EVC2: variants seen among roughly 807,000 people sequenced by gnomAD.
The protein encoded by EVC2 is EvC ciliary complex subunit 2, also known as limbin.
EVC2 carries 148 observed loss-of-function variants against 149.3 expected under a neutral mutation model. The ratio of observed to expected loss-of-function variants is 0.99; its 90% confidence interval spans 0.87 to 1.14. EVC2 has a LOEUF of 1.14. Ranked by LOEUF, EVC2 falls within the 50% of genes most tolerant of loss-of-function variation. The pLI is 0.00. For synonymous variants in EVC2, 776 were observed against 649.9 expected, an observed-to-expected ratio of 1.19 and a Z score of -2.95; for missense variants, 1,854 against 1,627.3, an observed-to-expected ratio of 1.14 and a Z score of -2.40.
At chr4:5,598,289 G>T (rs1442272006) in intron 16 of EVC2, among the ~76,000 whole-genome samples, 1 of 151,978 alleles carries the variant, frequency 6.6e-6, no homozygotes, top group Admixed American at 6.6e-5. Flanking sequence ...GAACAAAGCT[G>T]GAGGCATCAT....
At chr4:5,701,037 C>T (rs1008867721) in intron 1 of EVC2, among the ~76,000 whole-genome samples, 1 of 152,232 alleles carries the variant, frequency 6.6e-6, no homozygotes, top group African/African-American at 2.4e-5. Flanking sequence ...ATTGGCAGGG[C>T]TGTGCTCTTT....
intron 1 of EVC2, among the ~76,000 whole-genome samples, chr4:5,703,305 G>A (rs1206457468): frequency 6.6e-6 from 1 of 152,140 alleles, no homozygotes; most frequent in Non-Finnish European, 1.5e-5. Flanking sequence ...CATCATCTCT[G>A]ATAATGCCAA....
In EVC2 at chr4:5,622,794, G is replaced by C; in HGVS notation, c.2244C>G (p.Thr748=). The C allele has an allele frequency of 6.2e-7, 1 of 1,614,020 alleles. No individual in the cohort carries two copies. Among genetic ancestry groups the C allele is most frequent in the Non-Finnish European group, 8.5e-7 (1 of 1,180,028 alleles). ...TLTLSLFEKA[T]DELRRLQNSA... ...AGTTCTGCAGGCGCCGCAGCTCGTC[G>C]GTGGCCTTTTCAAACAGCGAAAGGG... is the stretch of plus-strand genomic sequence containing the variant. Residue 748 remains threonine (T), a synonymous_variant, in exon 14 of 22, where the codon ACC becomes ACG. Coordinates refer to ENST00000344408, the MANE Select transcript of EVC2 (RefSeq NM_147127.5). The surrounding 1 kb of genome is among the most constrained non-coding windows in gnomAD (Gnocchi z 5.8).
intron 16 of EVC2, among the ~76,000 whole-genome samples, chr4:5,606,046 C>T (rs572796259): frequency 6.6e-6 from 1 of 152,318 alleles, no homozygotes; most frequent in African/African-American, 2.4e-5. Context: ...CCCCCTAAGC[C>T]AACCACAGCA....
chr4:5,644,927 T>G (rs1364603380), intron 9 of EVC2, among the ~76,000 whole-genome samples: 1 of 152,240 alleles, frequency 6.6e-6, no homozygotes, highest in Non-Finnish European at 1.5e-5. Context: ...ATTCATCTGT[T>G]GATGGGCACT....
Position 5,706,295 on chromosome 4 carries a change from T to C in EVC2, c.228+1991A>G, listed in dbSNP as rs141498043. Among the ~76,000 whole-genome samples the C allele has an allele frequency of 1.4e-3, 212 of 146,940 alleles. 4 individuals are homozygous for C. The highest frequency in any genetic ancestry group is 5.0e-3 in the African/African-American group (192 of 38,520). On this transcript the variant is annotated intron_variant, in intron 1 of 21. Coordinates refer to ENST00000344408, the MANE Select transcript of EVC2 (RefSeq NM_147127.5). Reference sequence around the variant, plus strand: ...GGACTTAGCAAAGGTGCAATAAATATAGATAGATACATAGATAGATAGATA... The same window carrying C: ...GGACTTAGCAAAGGTGCAATAAATACAGATAGATACATAGATAGATAGATA...
intron 9 of EVC2, among the ~76,000 whole-genome samples, chr4:5,649,725 G>C (rs572325599): frequency 1.3e-5 from 2 of 152,272 alleles, no homozygotes; most frequent in African/African-American, 4.8e-5. Flanking sequence ...CAAGGTAGCA[G>C]GTGTAAGCAC....
At chr4:5,671,361 C>G (rs1719638013) in intron 7 of EVC2, among the ~76,000 whole-genome samples, 1 of 152,178 alleles carries the variant, frequency 6.6e-6, no homozygotes, top group Non-Finnish European at 1.5e-5. Context: ...TCTGAGTATG[C>G]AGCTCACCTT....
chr4:5,530,428 C>G, the EVC2 span, among the ~76,000 whole-genome samples: 2 of 152,084 alleles, frequency 1.3e-5, no homozygotes, highest in African/African-American at 2.4e-5. Context: ...ATTATTGTAT[C>G]TATTTAAGGT....
rs1408329936 is a variant in EVC2 at position 5,679,953 on chromosome 4, G to A, written c.870+1307C>T. Among the ~76,000 whole-genome samples the A allele has an allele frequency of 6.6e-6, 1 of 151,824 alleles. No homozygotes were observed. The highest frequency in any genetic ancestry group is 1.5e-5 in the Non-Finnish European group (1 of 67,970). ...TCTGTAAGCTTTCTATATTTTTAAG[G>A]TATTTTTTTAAAACACTTCTTAAAC... On this transcript the variant is annotated intron_variant, in intron 7 of 21. Transcript: ENST00000344408. The surrounding 1 kb of genome is among the most constrained non-coding windows in gnomAD (Gnocchi z 5.1).
chr4:5,659,344 C>T (rs1210577873), intron 9 of EVC2, among the ~76,000 whole-genome samples: 1 of 146,868 alleles, frequency 6.8e-6, no homozygotes, highest in Non-Finnish European at 1.5e-5. Context: ...TTTCTGGGAG[C>T]ATCTAAGCAG....
At chr4:5,607,836 C>T (rs991235673) in intron 16 of EVC2, among the ~76,000 whole-genome samples, 1 of 151,968 alleles carries the variant, frequency 6.6e-6, no homozygotes, top group Non-Finnish European at 1.5e-5. Context: ...CTGCGTCACA[C>T]AGAGGAATCA....
At chr4:5,632,239 A>C (rs1716598979) in intron 10 of EVC2, among the ~76,000 whole-genome samples, 2 of 152,252 alleles carry the variant, frequency 1.3e-5, no homozygotes, top group South Asian at 4.1e-4. Context: ...ACAATGTGTA[A>C]GGCAATGTAC....
Position 5,625,748 on chromosome 4 carries a change from C to A in EVC2, c.2046+1G>T, listed in dbSNP as rs762947212. 2.5e-6 allele frequency: 4 copies of A among 1,614,110 alleles called. No homozygotes were observed. The highest frequency in any genetic ancestry group is 3.4e-6 in the Non-Finnish European group (4 of 1,180,028). On this transcript the variant is annotated splice_donor_variant, in intron 13 of 21. Transcript: ENST00000344408. LOFTEE classifies it high-confidence loss of function. The surrounding 1 kb of genome is among the most constrained non-coding windows in gnomAD (Gnocchi z 4.0). ...AATAAATAGCATCATGCCTTATATA[C>A]CTTTTGTAGCAACTCTCGTCTTCTC...
intron 3 of EVC2, among the ~76,000 whole-genome samples, chr4:5,692,887 A>AAG (rs1721215862): frequency 7.3e-6 from 1 of 136,194 alleles, no homozygotes; most frequent in Non-Finnish European, 1.5e-5. Context: ...AAAAAAAAAA[A>AAG]AAAGAAAAAA....
chr4:5,609,429 C>T (rs1177309097), intron 16 of EVC2, among the ~76,000 whole-genome samples: 1 of 152,226 alleles, frequency 6.6e-6, no homozygotes, highest in African/African-American at 2.4e-5. Context: ...AAGCTGTCAA[C>T]TCAAGAGTGT....
chr4:5,659,750 A>T (rs2108890837), intron 9 of EVC2, among the ~76,000 whole-genome samples: 1 of 152,334 alleles, frequency 6.6e-6, no homozygotes, highest in Middle Eastern at 3.4e-3. Flanking sequence ...CATATAATGT[A>T]GGGATAAAGA....
At chr4:5,704,724 G>A (rs569157782) in intron 1 of EVC2, among the ~76,000 whole-genome samples, 1 of 152,134 alleles carries the variant, frequency 6.6e-6, no homozygotes, top group African/African-American at 2.4e-5. Flanking sequence ...GTTGTTGTTT[G>A]AGAGAGGGTC....
Position 5,614,622 on chromosome 4 carries a change from C to T in EVC2, c.2829+800G>A, listed in dbSNP as rs956656908. ...AGGTGGAAAAGTAATTCCACAAAGA[C>T]AGAAGAATACAGATTAAAGCATCCT... On this transcript the variant is annotated intron_variant, in intron 16 of 21. Coordinates refer to ENST00000344408, the MANE Select transcript of EVC2 (RefSeq NM_147127.5). The surrounding 1 kb of genome is among the most constrained non-coding windows in gnomAD (Gnocchi z 4.7). Among the ~76,000 whole-genome samples the T allele has an allele frequency of 6.6e-6, 1 of 152,118 alleles. No individual in the cohort carries two copies. The highest frequency in any genetic ancestry group is 1.5e-5 in the Non-Finnish European group (1 of 68,026).
Sources: gnomAD v4.1 joint callset for allele counts (sites outside exome capture counted in the v4.1 genomes callset) on GRCh38, gnomAD v4.1.1 for gene constraint, Gnocchi (gnomAD v3.1) non-coding constraint, MANE v1.5 for transcripts, NCBI Gene and HGNC (gene_info 2026-07-23, HGNC 2026-07-21) for gene names.